PCDHGA3: variants seen among roughly 807,000 people sequenced by gnomAD.
The protein encoded by PCDHGA3 is protocadherin gamma-A3.
PCDHGA3 carries 40 observed loss-of-function variants against 58.5 expected under a neutral mutation model. The ratio of observed to expected loss-of-function variants is 0.68; its 90% CI spans 0.53 to 0.89. The LOEUF (loss-of-function observed/expected upper bound fraction) is 0.89. Ranked by LOEUF, PCDHGA3 falls within the 40% of genes least tolerant of loss-of-function variation. The pLI, the probability that PCDHGA3 is intolerant of heterozygous loss-of-function variation, is 0.00. For synonymous variants in PCDHGA3, 530 were observed against 525.7 expected (o/e 1.01, Z -0.11); for missense variants, 1,223 against 1,195.9 (o/e 1.02, Z -0.33).
At chr5:141,494,770 C>A (rs767006872) in intron 1 of PCDHGA3, 37 bp from the exon 2 acceptor site, 14 of 1,613,904 alleles carry the variant, frequency 8.7e-6, no homozygotes, top group Non-Finnish European at 1.1e-5. Flanking sequence ...TAACTTCTCA[C>A]GGGTACTCAG....
At chr5:141,385,318 A>G (rs373167861) in intron 1 of PCDHGA3, 2 of 1,610,212 alleles carry the variant, frequency 1.2e-6, no homozygotes, top group Non-Finnish European at 1.7e-6. Context: ...CCTGCCAAGT[A>G]TTCAGGTGAG....
chr5:141,442,414 ACTT>A (rs1258523193), intron 1 of PCDHGA3: 2 of 152,190 alleles, frequency 1.3e-5, no homozygotes, highest in Non-Finnish European at 2.9e-5. Flanking sequence ...GGCTGAGTGA[ACTT>A]CTTTTTTGAA....
In PCDHGA3 at chr5:141,419,332, C is replaced by T. The variant is rs1356380695; in HGVS notation, c.2424+72875C>T. On this transcript the variant is annotated intron_variant, in intron 1 of 3. Transcript: ENST00000253812. Reference sequence around the variant, plus strand: ...TCAACGGCCGTGTCTCCTACTCTCTCATTGCCAGCGACCTGGAGTCACGAA... The same window carrying T: ...TCAACGGCCGTGTCTCCTACTCTCTTATTGCCAGCGACCTGGAGTCACGAA... 3.7e-6 allele frequency: 6 copies of T among 1,613,832 alleles called. No individual in the cohort carries two copies. The Admixed American group carries it at 8.3e-5, about 22-fold the overall frequency.
intron 1 of PCDHGA3, chr5:141,400,256 G>T (rs756430299): frequency 8.1e-6 from 13 of 1,613,868 alleles, no homozygotes; most frequent in Non-Finnish European, 1.1e-5. Flanking sequence ...GTTGCCTTGC[G>T]CCTGCGACGC....
At chr5:141,373,534 T>C (rs1191585178) in intron 1 of PCDHGA3, among the ~76,000 whole-genome samples, 1 of 152,172 alleles carries the variant, frequency 6.6e-6, no homozygotes, top group East Asian at 1.9e-4. Flanking sequence ...AAAAAAGTGT[T>C]TGTGGTTGTT....
At position 141,490,293 on chromosome 5, in the gene PCDHGA3, ATTG is replaced by A; in HGVS notation, c.2425-4513_2425-4511del. The A allele has an allele frequency of 1.9e-6, 3 of 1,614,190 alleles. No individual in the cohort carries two copies. Among genetic ancestry groups the A allele is most frequent in the Non-Finnish European group, 2.5e-6 (3 of 1,180,028 alleles). On this transcript the variant is annotated intron_variant, in intron 1 of 3. Coordinates refer to ENST00000253812, the MANE Select transcript of PCDHGA3 (RefSeq NM_018916.4). The surrounding 1 kb of genome is among the most constrained non-coding windows in gnomAD (Gnocchi z 5.4). ...TCAATGACAATGCCCCAGAGGTGCTATTGGCCTCTTTGGCCAACCCTGTCCTAG... is the reference window on the plus strand; with the variant it reads ...TCAATGACAATGCCCCAGAGGTGCTAGCCTCTTTGGCCAACCCTGTCCTAG...
chr5:141,409,928 G>T, intron 1 of PCDHGA3: 4 of 1,613,354 alleles, frequency 2.5e-6, no homozygotes, highest in Non-Finnish European at 2.5e-6. Flanking sequence ...CGCGTTCTTC[G>T]ATATGGTACC....
chr5:141,384,576 G>C (rs757254740), intron 1 of PCDHGA3: 3 of 1,614,178 alleles, frequency 1.9e-6, no homozygotes, highest in Admixed American at 1.7e-5. Flanking sequence ...ATGACAACCC[G>C]CCCGAGATCC....
chr5:141,472,230 C>T (rs1274096264), intron 1 of PCDHGA3, among the ~76,000 whole-genome samples: 1 of 152,116 alleles, frequency 6.6e-6, no homozygotes, highest in Non-Finnish European at 1.5e-5. Flanking sequence ...TCATATAATA[C>T]ATTCACTTTC....
intron 3 of PCDHGA3, 46 bp from the exon 4 acceptor site, chr5:141,510,901 A>G: frequency 1.9e-6 from 3 of 1,613,412 alleles, no homozygotes; most frequent in African/African-American, 2.7e-5. Flanking sequence ...GTGACTGTTG[A>G]GGACCCTAAG....
intron 1 of PCDHGA3, among the ~76,000 whole-genome samples, chr5:141,458,065 G>A (rs55848374): frequency 0.098 from 14,910 of 152,232 alleles, 965 homozygotes; most frequent in Non-Finnish European, 0.14. Flanking sequence ...GCACTGATGC[G>A]AACAACTATA....
At position 141,478,334 on chromosome 5, in the gene PCDHGA3, C is replaced by T. The variant is rs1303200872; in HGVS notation, c.2425-16473C>T. 2.5e-6 allele frequency: 4 copies of T among 1,613,944 alleles called. No individual in the cohort carries two copies. The highest frequency in any genetic ancestry group is 3.4e-6 in the Non-Finnish European group (4 of 1,180,016). ...GAGCTCACTGTACCGAACACCAGGG[C>T]CCTCCTTGCACGCGGACGCCGTGCG... On this transcript the variant is annotated intron_variant, in intron 1 of 3. Coordinates refer to ENST00000253812, the MANE Select transcript of PCDHGA3 (RefSeq NM_018916.4).
intron 1 of PCDHGA3, chr5:141,395,106 A>G: frequency 3.1e-6 from 5 of 1,614,150 alleles, no homozygotes; most frequent in Admixed American, 3.3e-5. Flanking sequence ...CGACTCGCGG[A>G]AGAGTCACCT....
At chr5:141,360,637 C>A (rs1326882872) in intron 1 of PCDHGA3, 1 of 1,614,018 alleles carries the variant, frequency 6.2e-7, no homozygotes, top group Non-Finnish European at 8.5e-7. Context: ...TAACTCACTA[C>A]AAAGATACCA....
chr5:141,374,902 C>A, intron 1 of PCDHGA3: 1 of 1,613,754 alleles, frequency 6.2e-7, no homozygotes, highest in South Asian at 1.1e-5. Context: ...ATGAAGGAGT[C>A]CACGGGGAAG....
At chr5:141,364,125 C>T in intron 1 of PCDHGA3, 1 of 466,222 alleles carries the variant, frequency 2.1e-6, no homozygotes. Flanking sequence ...CTGAGTGTCG[C>T]TGTTGACCAA....
chr5:141,477,992 G>T lies in PCDHGA3; in HGVS notation c.2425-16815G>T. The T allele has an allele frequency of 6.2e-7, 1 of 1,614,108 alleles. No individual in the cohort carries two copies. Among genetic ancestry groups the T allele is most frequent in the Non-Finnish European group, 8.5e-7 (1 of 1,180,024 alleles). On this transcript the variant is annotated intron_variant, in intron 1 of 3. Transcript: ENST00000253812. The surrounding 1 kb of genome is among the most constrained non-coding windows in gnomAD (Gnocchi z 4.9). Reference sequence around the variant, plus strand: ...CCTTTTTGCCATAGGGCTGCACACTGGTCAAATCAGTACTGCCCGTCCAGT... The same window carrying T: ...CCTTTTTGCCATAGGGCTGCACACTTGTCAAATCAGTACTGCCCGTCCAGT...
chr5:141,358,709 G>A (rs970952613), intron 1 of PCDHGA3, among the ~76,000 whole-genome samples: 1 of 152,222 alleles, frequency 6.6e-6, no homozygotes, highest in African/African-American at 2.4e-5. Context: ...AGACTTTCTT[G>A]ATTTCCAAGG....
chr5:141,374,903 C>T, intron 1 of PCDHGA3: 5 of 1,613,798 alleles, frequency 3.1e-6, no homozygotes, highest in Non-Finnish European at 4.2e-6. Flanking sequence ...TGAAGGAGTC[C>T]ACGGGGAAGT....
Sources: gnomAD v4.1 joint callset for allele counts (sites outside exome capture counted in the v4.1 genomes callset) on GRCh38, gnomAD v4.1.1 for gene constraint, Gnocchi (gnomAD v3.1) non-coding constraint, MANE v1.5 for transcripts, NCBI Gene and HGNC (gene_info 2026-07-23, HGNC 2026-07-21) for gene names.